Variants in RIC8B observed in about 807,000 individuals in gnomAD.
RIC8B encodes chaperone Ric-8B.
RIC8B carries 16 observed loss-of-function variants against 57.5 expected under a neutral mutation model. The ratio of observed to expected loss-of-function variants is 0.28; its 90% CI spans 0.19 to 0.42. The LOEUF is 0.42. Among genes scored for constraint, RIC8B ranks in the 10% least tolerant of loss-of-function variants. The probability of loss-of-function intolerance (pLI) is 1.00; values close to 1 mark genes in which losing one functional copy is unlikely to be tolerated. For synonymous variants in RIC8B, 216 were observed against 250.8 expected, an observed-to-expected ratio of 0.86 and a Z score of 1.31; for missense variants, 481 against 677.0, an observed-to-expected ratio of 0.71 and a Z score of 3.21.
intron 1 of RIC8B, among the ~76,000 whole-genome samples, chr12:106,776,581 T>C (rs1444359787): frequency 1.3e-5 from 2 of 152,212 alleles, no homozygotes; most frequent in African/African-American, 2.4e-5. Flanking sequence ...ATGGCTAAAC[T>C]AATTAGACTC....
At chr12:106,780,304 G>T (rs2043707904) in intron 1 of RIC8B, among the ~76,000 whole-genome samples, 1 of 152,148 alleles carries the variant, frequency 6.6e-6, no homozygotes. Flanking sequence ...CAGTTTTGAA[G>T]TATGGCAAGT....
chr12:106,801,738 A>G (rs1287125581), intron 2 of RIC8B, among the ~76,000 whole-genome samples: 6 of 152,250 alleles, frequency 3.9e-5, no homozygotes, highest in African/African-American at 1.2e-4. Context: ...AACCTTTATT[A>G]AAAACATATT....
chr12:106,786,036 G>A (rs960107267), intron 2 of RIC8B, among the ~76,000 whole-genome samples: 4 of 151,036 alleles, frequency 2.6e-5, no homozygotes, highest in South Asian at 2.1e-4. Context: ...TTGTAGAGAC[G>A]GGCTCTCACT....
intron 4 of RIC8B, among the ~76,000 whole-genome samples, chr12:106,832,688 A>G (rs554015951): frequency 1.3e-5 from 2 of 152,312 alleles, no homozygotes; most frequent in East Asian, 3.9e-4. Flanking sequence ...TAGTTGGATG[A>G]AGGGATGGAT....
In RIC8B at chr12:106,774,698, A is replaced by C. The variant is rs745981175; in HGVS notation, c.-48A>C. Reference sequence around the variant, plus strand: ...GGGCGCGAGGCGTTTACCTGGAGGCAGCGGCTTGGGCGCGCAGAGCGGCCG... The same window carrying C: ...GGGCGCGAGGCGTTTACCTGGAGGCCGCGGCTTGGGCGCGCAGAGCGGCCG... On this transcript the variant is annotated 5_prime_UTR_variant, in exon 1 of 10. Transcript: ENST00000392837. 2.7e-6 allele frequency: 4 copies of C among 1,486,856 alleles called. No homozygotes were observed. Among genetic ancestry groups the C allele is most frequent in the African/African-American group, 1.4e-5 (1 of 71,688 alleles). The allele number at this position is 1,486,856 out of a possible 1,614,324, so 92.1% of individuals were successfully genotyped here. A position where few individuals can be genotyped will look rare whatever the true frequency, so the allele number is the denominator to read the frequency against.
At chr12:106,779,681 AT>A (rs374606156) in intron 1 of RIC8B, among the ~76,000 whole-genome samples, 5,561 of 137,390 alleles carry the variant, frequency 0.04, 229 homozygotes, top group African/African-American at 0.11. Flanking sequence ...ACAAAAAAAA[AT>A]TTTTTTTTTT....
intron 2 of RIC8B, among the ~76,000 whole-genome samples, chr12:106,798,361 A>G (rs185454024): frequency 3.3e-4 from 49 of 148,172 alleles, no homozygotes; most frequent in South Asian, 4.1e-4. Context: ...TTGTAGATAA[A>G]AAAACTAGAG....
At chr12:106,804,014 TAGC>T (rs1835598749) in intron 2 of RIC8B, among the ~76,000 whole-genome samples, 1 of 152,144 alleles carries the variant, frequency 6.6e-6, no homozygotes, top group African/African-American at 2.4e-5. Flanking sequence ...AAATAATAAA[TAGC>T]AGTCATATCC....
At chr12:106,868,897 C>T (rs1218767499) in intron 8 of RIC8B, among the ~76,000 whole-genome samples, 1 of 148,268 alleles carries the variant, frequency 6.7e-6, no homozygotes, top group Non-Finnish European at 1.5e-5. Flanking sequence ...CTCTGTCACC[C>T]AAGCTTTTTT....
chr12:106,885,739 C>T (rs1951151725), intron 9 of RIC8B, among the ~76,000 whole-genome samples, 165 bp from the exon 10 acceptor site: 1 of 142,460 alleles, frequency 7.0e-6, no homozygotes, highest in African/African-American at 2.6e-5. Flanking sequence ...TTCCATGCCC[C>T]TTTCATCTTT....
chr12:106,815,389 A>C, intron 3 of RIC8B, 85 bp downstream of exon 3: 2 of 1,436,348 alleles, frequency 1.4e-6, no homozygotes, highest in Non-Finnish European at 1.9e-6. Context: ...GAAGAATACA[A>C]GTTGGGAAAT....
chr12:106,869,556 C>T lies in RIC8B; in HGVS notation c.1452-1267C>T, dbSNP rs7488831. Among the ~76,000 whole-genome samples, 126 of 152,120 alleles carry T rather than the reference C, an allele frequency of 8.3e-4. 1 individual carries two copies. Among genetic ancestry groups the T allele is most frequent in the South Asian group, 3.7e-3 (18 of 4,818 alleles). ...CTCACTCACTTGCTTATCTTAAAGG[C>T]GTGGCTTCTGAAAGCGTTTATGTTC... On this transcript the variant is annotated intron_variant, in intron 8 of 9. Transcript: ENST00000392837.
chr12:106,805,923 T>C (rs994651216), intron 2 of RIC8B, among the ~76,000 whole-genome samples: 2 of 152,186 alleles, frequency 1.3e-5, no homozygotes, highest in African/African-American at 4.8e-5. Flanking sequence ...CCAGTTACTC[T>C]TCAGAAACTG....
intron 2 of RIC8B, among the ~76,000 whole-genome samples, chr12:106,801,219 G>A (rs1344964468): frequency 6.6e-6 from 1 of 152,196 alleles, no homozygotes; most frequent in Non-Finnish European, 1.5e-5. Flanking sequence ...CAAAATGGAG[G>A]CTTGTAAGTG....
At chr12:106,841,015 A>T (rs531770665) in intron 4 of RIC8B, among the ~76,000 whole-genome samples, 55 of 152,340 alleles carry the variant, frequency 3.6e-4, no homozygotes, top group African/African-American at 1.2e-3. Flanking sequence ...ACAATTTCTA[A>T]GTGCTTAAGA....
At chr12:106,859,646 A>G (rs971670709) in intron 7 of RIC8B, among the ~76,000 whole-genome samples, 11 of 152,164 alleles carry the variant, frequency 7.2e-5, no homozygotes, top group Non-Finnish European at 1.3e-4. Context: ...AGGTCAACCA[A>G]TTAGTAATTG....
At chr12:106,817,015 T>C (rs2045604348) in intron 3 of RIC8B, among the ~76,000 whole-genome samples, 2 of 152,208 alleles carry the variant, frequency 1.3e-5, no homozygotes, top group Non-Finnish European at 2.9e-5. Context: ...TGGGCTATTA[T>C]TGAAGTGCTC....
chr12:106,863,770 T>C (rs763287732), intron 8 of RIC8B, among the ~76,000 whole-genome samples: 4 of 152,136 alleles, frequency 2.6e-5, no homozygotes, highest in Admixed American at 1.3e-4. Context: ...ACTACAGTAC[T>C]GAGTTTTGCT....
At position 106,886,263 on chromosome 12, in the gene RIC8B, G is replaced by C; in HGVS notation, c.*248G>C. Reference sequence around the variant, plus strand: ...AGCAGAAAAAAAATTCCATTTCATCGGGATGGAACTGAAGGATTTTATTCT... The same window carrying C: ...AGCAGAAAAAAAATTCCATTTCATCCGGATGGAACTGAAGGATTTTATTCT... On this transcript the variant is annotated 3_prime_UTR_variant, in exon 10 of 10. Transcript: ENST00000392837. 2.4e-6 allele frequency: 1 copy of C among 420,016 alleles called. No individual in the cohort carries two copies. Among genetic ancestry groups the C allele is most frequent in the South Asian group, 4.5e-5 (1 of 22,364 alleles). The allele number at this position is 420,016 out of a possible 1,614,324, so 26.0% of individuals were successfully genotyped here.
Sources: gnomAD v4.1 joint callset for allele counts (sites outside exome capture counted in the v4.1 genomes callset) on GRCh38, gnomAD v4.1.1 for gene constraint, MANE v1.5 for transcripts, NCBI Gene and HGNC (gene_info 2026-07-23, HGNC 2026-07-21) for gene names.